Variants in PPARG observed in about 807,000 individuals in gnomAD.
The protein encoded by PPARG is peroxisome proliferator activated receptor gamma.
A neutral mutation model predicts 39.2 loss-of-function variants in PPARG; 17 were observed. The observed-to-expected ratio is 0.43, with a 90% CI of 0.30 to 0.65. The LOEUF is 0.65. Ranked by LOEUF, PPARG falls within the 30% of genes least tolerant of loss-of-function variation. The probability of loss-of-function intolerance (pLI) is 0.13; values close to 1 mark genes in which losing one functional copy is unlikely to be tolerated. For synonymous variants in PPARG, 223 were observed against 215.7 expected (o/e 1.03, Z -0.30); for missense variants, 406 against 585.9 (o/e 0.69, Z 3.17).
chr3:12,310,665 A>G (rs10212145), intron 1 of PPARG, among the ~76,000 whole-genome samples: 3,532 of 94,234 alleles, frequency 0.037, 580 homozygotes, highest in African/African-American at 0.12. Flanking sequence ...GGGTTTCACC[A>G]TTTTAGCCGG....
At chr3:12,330,379 T>G (rs1256055313) in intron 2 of PPARG, among the ~76,000 whole-genome samples, 1 of 151,370 alleles carries the variant, frequency 6.6e-6, no homozygotes, top group African/African-American at 2.4e-5. Flanking sequence ...TGCATTTTCC[T>G]AATGGCTGCT....
At chr3:12,392,817 T>C in intron 5 of PPARG, 65 bp downstream of exon 5, 1 of 1,593,400 alleles carries the variant, frequency 6.3e-7, no homozygotes, top group East Asian at 2.2e-5. Flanking sequence ...CAGTGGACAC[T>C]AAAGCCATTG....
chr3:12,391,327 A>G (rs2050069690), intron 4 of PPARG, among the ~76,000 whole-genome samples: 1 of 152,176 alleles, frequency 6.6e-6, no homozygotes, highest in African/African-American at 2.4e-5. Flanking sequence ...GCTATTGGAA[A>G]GGAGAAAAAC....
At chr3:12,415,962 G>A (rs4135351) in intron 6 of PPARG, among the ~76,000 whole-genome samples, 56 of 152,354 alleles carry the variant, frequency 3.7e-4, no homozygotes, top group African/African-American at 1.3e-3. Context: ...TAAACCTGTA[G>A]TTACTTTATG....
At chr3:12,309,561 C>T (rs567053873) in intron 1 of PPARG, among the ~76,000 whole-genome samples, 2 of 152,280 alleles carry the variant, frequency 1.3e-5, no homozygotes, top group Admixed American at 6.5e-5. Context: ...AATTATGTCA[C>T]TATATTTTTT....
At chr3:12,391,866 A>G (rs1215760167) in intron 4 of PPARG, among the ~76,000 whole-genome samples, 2 of 152,152 alleles carry the variant, frequency 1.3e-5, no homozygotes, top group Admixed American at 6.6e-5. Flanking sequence ...AATATGATGA[A>G]CCCAAAAAAT....
chr3:12,383,561 G>A (rs980867214), intron 4 of PPARG, among the ~76,000 whole-genome samples: 1 of 151,934 alleles, frequency 6.6e-6, no homozygotes, highest in African/African-American at 2.4e-5. Flanking sequence ...TTCTGTTTTG[G>A]TCATGTTGAT....
intron 2 of PPARG, among the ~76,000 whole-genome samples, chr3:12,366,063 T>A (rs1056952910): frequency 4.6e-5 from 7 of 152,166 alleles, no homozygotes; most frequent in African/African-American, 1.7e-4. Context: ...TATTTCATTC[T>A]TTGATATCTT....
At chr3:12,325,366 A>G (rs527829075) in intron 2 of PPARG, among the ~76,000 whole-genome samples, 2 of 152,326 alleles carry the variant, frequency 1.3e-5, no homozygotes, top group Non-Finnish European at 2.9e-5. Context: ...GGTTGCAGTG[A>G]GCCAAGATCA....
rs2050125822 is a variant in PPARG, at chr3:12,392,761, A to G, written c.529+9A>G. ...GGGGATGTCTCATAATGGTAAGTAA[A>G]CAGTCATCACCATATACTTTATTAT... On this transcript the variant is annotated intron_variant, in intron 5 of 7. Coordinates refer to ENST00000651735, the MANE Select transcript of PPARG (RefSeq NM_138711.6). The G allele has an allele frequency of 1.2e-6, 2 of 1,613,508 alleles. No homozygotes were observed. The highest frequency in any genetic ancestry group is 8.5e-7 in the Non-Finnish European group (1 of 1,179,658).
intron 2 of PPARG, among the ~76,000 whole-genome samples, chr3:12,359,054 T>C (rs976310754): frequency 8.5e-5 from 13 of 152,206 alleles, no homozygotes; most frequent in Non-Finnish European, 1.9e-4. Context: ...GACATGTTAG[T>C]ATCTTTCTTT....
chr3:12,409,742 C>G (rs776434623), intron 6 of PPARG, among the ~76,000 whole-genome samples: 2 of 152,112 alleles, frequency 1.3e-5, no homozygotes, highest in Non-Finnish European at 2.9e-5. Context: ...GACCAATTAC[C>G]CAGAACCTTT....
At chr3:12,321,486 C>A (rs1303245753) in intron 2 of PPARG, among the ~76,000 whole-genome samples, 1 of 152,134 alleles carries the variant, frequency 6.6e-6, no homozygotes, top group Non-Finnish European at 1.5e-5. Flanking sequence ...GTATAGGAAC[C>A]TACTGATCGC....
At chr3:12,425,983 G>A (rs1364032670) in intron 7 of PPARG, among the ~76,000 whole-genome samples, 1 of 152,184 alleles carries the variant, frequency 6.6e-6, no homozygotes, top group South Asian at 2.1e-4. Flanking sequence ...TGGCACACAG[G>A]AAAGGGTTGC....
chr3:12,350,300 C>A (rs936067035), intron 2 of PPARG, among the ~76,000 whole-genome samples: 5 of 152,104 alleles, frequency 3.3e-5, no homozygotes, highest in Non-Finnish European at 7.4e-5. Context: ...TGCTCAACTC[C>A]CCCACTTTAT....
At chr3:12,409,418 G>GA (rs200850610) in intron 6 of PPARG, among the ~76,000 whole-genome samples, 20,238 of 145,810 alleles carry the variant, frequency 0.14, 1,542 homozygotes, top group Admixed American at 0.23. Flanking sequence ...TATGGGAAAG[G>GA]AAAAAAAAAA....
At chr3:12,334,078 T>C (rs2047939392) in intron 2 of PPARG, among the ~76,000 whole-genome samples, 1 of 152,176 alleles carries the variant, frequency 6.6e-6, no homozygotes, top group Non-Finnish European at 1.5e-5. Context: ...TTGCAGCTTC[T>C]TTCTCCCAGA....
chr3:12,323,350 A>G (rs2047600039), intron 2 of PPARG, among the ~76,000 whole-genome samples: 1 of 152,050 alleles, frequency 6.6e-6, no homozygotes, highest in African/African-American at 2.4e-5. Flanking sequence ...ATTTGGTGTC[A>G]TTAACATTGA....
intron 5 of PPARG, among the ~76,000 whole-genome samples, chr3:12,402,687 C>T (rs2050517103): frequency 6.6e-6 from 1 of 152,088 alleles, no homozygotes; most frequent in African/African-American, 2.4e-5. Context: ...GGATGGATGG[C>T]CCATCAAAAT....
Sources: allele counts gnomAD v4.1 joint callset (sites outside exome capture counted in the v4.1 genomes callset), GRCh38; gene constraint gnomAD v4.1.1; transcripts MANE v1.5; gene names NCBI Gene and HGNC (gene_info 2026-07-23, HGNC 2026-07-21).